Variants in SPP2 observed in about 807,000 individuals in gnomAD.
SPP2 encodes the protein secreted phosphoprotein 24.
A neutral mutation model predicts 28.8 loss-of-function variants in SPP2; 34 were observed. That is an observed-to-expected ratio of 1.18 (90% CI 0.90 to 1.57). The LOEUF (loss-of-function observed/expected upper bound fraction) is 1.57, where lower values mean the gene tolerates loss of function less well. Among genes scored for constraint, SPP2 ranks in the 40% most tolerant of loss-of-function variants. SPP2 has a pLI of 0.00. For missense variants in SPP2, 269 were observed against 263.9 expected, an observed-to-expected ratio of 1.02 and a Z score of -0.13; for synonymous variants, 96 against 89.4, an observed-to-expected ratio of 1.07 and a Z score of -0.42.
At chr2:234,075,412 C>G (rs550410165) in intron 7 of SPP2, among the ~76,000 whole-genome samples, 1 of 152,266 alleles carries the variant, frequency 6.6e-6, no homozygotes, top group South Asian at 2.1e-4. Flanking sequence ...CTCCTGCACC[C>G]GTCACCGCCC....
chr2:234,066,074 A>C (rs1235451024), intron 4 of SPP2, among the ~76,000 whole-genome samples: 1 of 152,218 alleles, frequency 6.6e-6, no homozygotes, highest in East Asian at 1.9e-4. Flanking sequence ...TCTTGGTAGA[A>C]AGACTGCGAG....
At chr2:234,074,539 A>G (rs1025739829) in intron 7 of SPP2, among the ~76,000 whole-genome samples, 8 of 152,170 alleles carry the variant, frequency 5.3e-5, no homozygotes, top group African/African-American at 4.8e-5. Context: ...AGACATGGCT[A>G]TGTGCAGTTG....
intron 4 of SPP2, among the ~76,000 whole-genome samples, chr2:234,063,843 G>C (rs1017898026): frequency 6.6e-6 from 1 of 152,150 alleles, no homozygotes; most frequent in Non-Finnish European, 1.5e-5. Context: ...TTTCCGACAC[G>C]AGACCCAAAA....
intron 2 of SPP2, chr2:234,056,231 A>G (rs528785729): frequency 6.6e-6 from 1 of 152,116 alleles, no homozygotes; most frequent in Non-Finnish European, 1.5e-5. Flanking sequence ...GAAAAAAAAC[A>G]AACAACCCCA....
At chr2:234,067,002 C>T (rs1693835252) in intron 5 of SPP2, among the ~76,000 whole-genome samples, 1 of 152,154 alleles carries the variant, frequency 6.6e-6, no homozygotes, top group Non-Finnish European at 1.5e-5. Context: ...AAGGGCTCTC[C>T]TTCTTTCTTT....
chr2:234,060,070 C>T (rs1300736659), intron 3 of SPP2, among the ~76,000 whole-genome samples: 4 of 152,266 alleles, frequency 2.6e-5, no homozygotes, highest in South Asian at 2.1e-4. Context: ...TGGGGTTCTT[C>T]GTCATTTCTT....
intron 2 of SPP2, among the ~76,000 whole-genome samples, chr2:234,057,025 T>G (rs1693622617): frequency 6.6e-6 from 1 of 152,082 alleles, no homozygotes. Flanking sequence ...TTCAATGTGT[T>G]GCTGACTTCA....
At chr2:234,059,971 C>CT (rs776530366) in intron 3 of SPP2, among the ~76,000 whole-genome samples, 2 of 152,216 alleles carry the variant, frequency 1.3e-5, no homozygotes, top group African/African-American at 2.4e-5. Flanking sequence ...CTCACTGTGA[C>CT]TCTGTTTTAC....
chr2:234,050,760 G>T lies in SPP2; in HGVS notation c.-27G>T. The T allele has an allele frequency of 6.2e-7, 1 of 1,606,000 alleles. No individual in the cohort carries two copies. Among genetic ancestry groups the T allele is most frequent in the South Asian group, 1.1e-5 (1 of 90,728 alleles). On this transcript the variant is annotated 5_prime_UTR_variant, in exon 1 of 8. Coordinates refer to ENST00000168148, the MANE Select transcript of SPP2 (RefSeq NM_006944.3). ...ACTGTCATCCCCAAACACATAGAGA[G>T]ACACTCTCTGTCTCTCGATTACAAT...
chr2:234,073,922 C>A (rs1439136634), intron 7 of SPP2, among the ~76,000 whole-genome samples: 1 of 152,146 alleles, frequency 6.6e-6, no homozygotes, highest in Non-Finnish European at 1.5e-5. Context: ...ATTAAATGCC[C>A]CTCTATGCCT....
At chr2:234,059,324 C>T (rs1044754678) in intron 3 of SPP2, among the ~76,000 whole-genome samples, 6 of 152,150 alleles carry the variant, frequency 3.9e-5, no homozygotes, top group Admixed American at 2.0e-4. Flanking sequence ...GCACATGTCA[C>T]GTTCTTTTGC....
chr2:234,055,823 A>G (rs551025954), intron 2 of SPP2, among the ~76,000 whole-genome samples: 2 of 151,582 alleles, frequency 1.3e-5, no homozygotes, highest in Admixed American at 1.3e-4. Context: ...TTCAGCAATA[A>G]TGCTGGGTTT....
chr2:234,054,743 C>T (rs998569319), intron 2 of SPP2, among the ~76,000 whole-genome samples: 1 of 152,120 alleles, frequency 6.6e-6, no homozygotes, highest in African/African-American at 2.4e-5. Context: ...GACAAACAGT[C>T]CATTGCAATC....
intron 7 of SPP2, among the ~76,000 whole-genome samples, chr2:234,071,207 C>T (rs545504759): frequency 6.6e-6 from 1 of 152,300 alleles, no homozygotes; most frequent in South Asian, 2.1e-4. Context: ...TGATTGTATT[C>T]TTGCATCAGG....
In SPP2 at chr2:234,058,838, T is replaced by G; in HGVS notation, c.213T>G (p.Val71=). 6.2e-7 allele frequency: 1 copy of G among 1,613,002 alleles called. No individual in the cohort carries two copies. The highest frequency in any genetic ancestry group is 2.2e-5 in the East Asian group (1 of 44,860). Reference sequence around the variant, plus strand: ...TCTGAAACTTTATTTTTGTGAAGGTTGAGGTCCTAGATGAGAACAACTTGG... The same window carrying G: ...TCTGAAACTTTATTTTTGTGAAGGTGGAGGTCCTAGATGAGAACAACTTGG... The part of the protein sequence containing the change: ...FRAFRSSLKR[V]EVLDENNLVM... The change falls in exon 3 of 8, where the codon GTT becomes GTG. Residue 71 remains valine, a splice_region_variant and synonymous_variant. Coordinates refer to ENST00000168148, the MANE Select transcript of SPP2 (RefSeq NM_006944.3).
At chr2:234,058,691 G>T (rs11563008) in intron 2 of SPP2, 145 bp from the exon 3 acceptor site, 1 of 904,458 alleles carries the variant, frequency 1.1e-6, no homozygotes, top group East Asian at 2.6e-5. Flanking sequence ...AGAAAGGCAC[G>T]GAACTAGGTG....
intron 2 of SPP2, among the ~76,000 whole-genome samples, chr2:234,051,869 G>A (rs909432385): frequency 2.0e-5 from 3 of 152,146 alleles, no homozygotes; most frequent in African/African-American, 7.2e-5. Flanking sequence ...GAAGGTCCAG[G>A]CAGCAGAGGC....
At chr2:234,064,045 A>G (rs1693771109) in intron 4 of SPP2, among the ~76,000 whole-genome samples, 1 of 152,004 alleles carries the variant, frequency 6.6e-6, no homozygotes, top group Admixed American at 6.5e-5. Flanking sequence ...TTCAGGGACA[A>G]CTCGACTTAG....
intron 7 of SPP2, among the ~76,000 whole-genome samples, chr2:234,075,929 T>C (rs1049517612): frequency 2.0e-5 from 3 of 152,186 alleles, no homozygotes; most frequent in Non-Finnish European, 4.4e-5. Flanking sequence ...CCTCACCCAG[T>C]TGGTCACCGA....
Sources: gnomAD v4.1 joint callset for allele counts (sites outside exome capture counted in the v4.1 genomes callset) on GRCh38, gnomAD v4.1.1 for gene constraint, MANE v1.5 for transcripts, NCBI Gene and HGNC (gene_info 2026-07-23, HGNC 2026-07-21) for gene names.